The following DNM3 variants were observed in gnomAD, a reference collection of about 807,000 sequenced individuals.
DNM3 encodes the protein dynamin-3.
Under a neutral mutation model 101.6 loss-of-function variants are expected in DNM3, and 47 were observed. The observed-to-expected ratio is 0.46, with a 90% CI of 0.37 to 0.59. DNM3 has a LOEUF of 0.59. Ranked by LOEUF, DNM3 falls within the 20% of genes least tolerant of loss-of-function variation. DNM3 has a pLI of 0.00. For missense variants in DNM3, 849 were observed against 1,085.7 expected, an observed-to-expected ratio of 0.78 and a Z score of 3.06; for synonymous variants, 385 against 387.9, an observed-to-expected ratio of 0.99 and a Z score of 0.09.
chr1:171,914,196 C>T (rs112764802), intron 1 of DNM3, among the ~76,000 whole-genome samples: 3,922 of 152,034 alleles, frequency 0.026, 160 homozygotes, highest in African/African-American at 0.089. Flanking sequence ...TTGCTCTTGT[C>T]GCCCAGGCTG....
intron 2 of DNM3, among the ~76,000 whole-genome samples, chr1:171,925,050 C>T (rs1398097523): frequency 1.3e-5 from 2 of 151,724 alleles, no homozygotes; most frequent in Non-Finnish European, 2.9e-5. Context: ...CAGGTGCCCA[C>T]CACCACGCCC....
At chr1:171,915,641 T>C (rs949242692) in intron 1 of DNM3, among the ~76,000 whole-genome samples, 4 of 152,162 alleles carry the variant, frequency 2.6e-5, no homozygotes, top group Non-Finnish European at 5.9e-5. Context: ...GTAGAGATGT[T>C]TGGTTCCAGA....
At chr1:172,251,344 TTTA>T (rs2062162622) in intron 14 of DNM3, among the ~76,000 whole-genome samples, 2 of 17,406 alleles carry the variant, frequency 1.1e-4, no homozygotes, top group Non-Finnish European at 4.1e-4. Context: ...ACCAAGACTT[TTTA>T]GAAATATCCA....
intron 1 of DNM3, among the ~76,000 whole-genome samples, chr1:171,869,250 A>G (rs1214768509): frequency 2.0e-5 from 3 of 152,078 alleles, no homozygotes; most frequent in Non-Finnish European, 4.4e-5. Flanking sequence ...GTATGTGAAA[A>G]CACCTGGCAC....
chr1:172,232,785 A>G (rs1394998430), intron 14 of DNM3, among the ~76,000 whole-genome samples: 1 of 152,234 alleles, frequency 6.6e-6, no homozygotes, highest in Admixed American at 6.5e-5. Context: ...CTCCTGAATG[A>G]CTACTGGGTA....
chr1:172,033,388 G>A (rs919243452), intron 6 of DNM3, 123 bp downstream of exon 6: 3 of 1,119,004 alleles, frequency 2.7e-6, no homozygotes, highest in Non-Finnish European at 3.7e-6. Context: ...TTCAATGATA[G>A]GGATTTTAAA....
intron 1 of DNM3, among the ~76,000 whole-genome samples, chr1:171,915,976 T>C (rs1321949387): frequency 6.6e-6 from 1 of 152,240 alleles, no homozygotes; most frequent in Non-Finnish European, 1.5e-5. Context: ...TCCTGCTCTG[T>C]TGCTCACTGT....
intron 2 of DNM3, among the ~76,000 whole-genome samples, chr1:171,942,201 ATTTTTTT>A (rs71561599): frequency 1.9e-5 from 2 of 103,580 alleles, no homozygotes; most frequent in East Asian, 3.0e-4. Context: ...TGCTCACTTG[ATTTTTTT>A]TTTTTTTTTT....
intron 16 of DNM3, chr1:172,311,289 C>T (rs1025262009): frequency 6.7e-6 from 1 of 149,704 alleles, no homozygotes; most frequent in Admixed American, 6.7e-5. Context: ...TCCAAATATG[C>T]TTGTATGCTT....
intron 14 of DNM3, among the ~76,000 whole-genome samples, chr1:172,147,739 A>C (rs1159333342): frequency 6.6e-6 from 1 of 152,126 alleles, no homozygotes; most frequent in Non-Finnish European, 1.5e-5. Flanking sequence ...ATTAGTGCAC[A>C]AGTTCAAACA....
chr1:172,308,701 C>A, intron 15 of DNM3, 27 bp from the exon 16 acceptor site: 4 of 1,298,984 alleles, frequency 3.1e-6, no homozygotes, highest in South Asian at 1.5e-5. Flanking sequence ...AAACTAAAAG[C>A]ATGATTTTTT....
At chr1:172,073,165 C>G (rs1302686926) in intron 11 of DNM3, among the ~76,000 whole-genome samples, 4 of 151,748 alleles carry the variant, frequency 2.6e-5, no homozygotes, top group Non-Finnish European at 2.9e-5. Flanking sequence ...CACACATACA[C>G]AAACACACAT....
chr1:171,929,988 T>A (rs2040872559), intron 2 of DNM3, among the ~76,000 whole-genome samples: 1 of 151,012 alleles, frequency 6.6e-6, no homozygotes, highest in African/African-American at 2.4e-5. Flanking sequence ...TCTGTCCCAG[T>A]GAGGTTTCAA....
chr1:172,064,531 A>G (rs2051498287), intron 10 of DNM3, among the ~76,000 whole-genome samples: 1 of 152,144 alleles, frequency 6.6e-6, no homozygotes, highest in South Asian at 2.1e-4. Flanking sequence ...TAATCTCATT[A>G]TGAGATTAAA....
chr1:171,848,771 C>A (rs2124981383), intron 1 of DNM3, among the ~76,000 whole-genome samples: 1 of 152,270 alleles, frequency 6.6e-6, no homozygotes, highest in Non-Finnish European at 1.5e-5. Flanking sequence ...ATTATTTTAA[C>A]AATTTTTCAA....
chr1:171,989,096 TGATC>T lies in DNM3; in HGVS notation c.538_541del (p.Asp180LeufsTer7). The T allele has an allele frequency of 6.2e-7, 1 of 1,613,222 alleles. No individual in the cohort carries two copies. The highest frequency in any genetic ancestry group is 8.5e-7 in the Non-Finnish European group (1 of 1,179,468). Reference sequence around the variant, plus strand: ...TTTTAGCTGTTACTCCAGCCAACACTGATCTTGCAAACTCAGATGCGCTGAAGCT... The same window carrying T: ...TTTTAGCTGTTACTCCAGCCAACACTTTGCAAACTCAGATGCGCTGAAGCT... On this transcript the variant is annotated frameshift_variant, in exon 4 of 21. Coordinates refer to ENST00000627582, the MANE Select transcript of DNM3 (RefSeq NM_015569.5). LOFTEE classifies it high-confidence loss of function.
At chr1:172,155,190 C>T (rs2058290318) in intron 14 of DNM3, among the ~76,000 whole-genome samples, 1 of 151,490 alleles carries the variant, frequency 6.6e-6, no homozygotes, top group African/African-American at 2.4e-5. Context: ...AAAGGCCAAC[C>T]ATACAATTGT....
At chr1:171,967,691 A>G (rs2043687150) in intron 2 of DNM3, among the ~76,000 whole-genome samples, 1 of 152,216 alleles carries the variant, frequency 6.6e-6, no homozygotes, top group Non-Finnish European at 1.5e-5. Flanking sequence ...CAGACTTTTC[A>G]TCTGTTCTTC....
At chr1:172,246,772 A>C (rs1255185533) in intron 14 of DNM3, among the ~76,000 whole-genome samples, 1 of 151,942 alleles carries the variant, frequency 6.6e-6, no homozygotes, top group Non-Finnish European at 1.5e-5. Flanking sequence ...TGGTTACATA[A>C]CTCTGTGTCA....
Sources: gnomAD v4.1 joint callset for allele counts (sites outside exome capture counted in the v4.1 genomes callset) on GRCh38, gnomAD v4.1.1 for gene constraint, MANE v1.5 for transcripts, NCBI Gene and HGNC (gene_info 2026-07-23, HGNC 2026-07-21) for gene names.